Variants in KCTD14 observed in about 807,000 individuals in gnomAD.
The protein encoded by KCTD14 is BTB/POZ domain-containing protein KCTD14.
In KCTD14, 7 loss-of-function variants were observed where a neutral mutation model predicts 5.9. That is an observed-to-expected ratio of 1.19 (90% CI 0.68 to 2.23). KCTD14 has a LOEUF of 2.23. Ranked by LOEUF, KCTD14 falls within the 30% of genes most tolerant of loss-of-function variation. KCTD14 has a pLI of 0.00. For missense variants in KCTD14, 342 were observed against 332.2 expected, an observed-to-expected ratio of 1.03 and a Z score of -0.23; for synonymous variants, 140 against 133.1, an observed-to-expected ratio of 1.05 and a Z score of -0.36.
At chr11:78,035,544 G>T (rs907664381) in intron 2 of KCTD14, among the ~76,000 whole-genome samples, 12 of 151,980 alleles carry the variant, frequency 7.9e-5, no homozygotes, top group Non-Finnish European at 7.4e-5. Flanking sequence ...GGGACTCTTT[G>T]TAAAGAGTCG....
chr11:78,029,927 G>A (rs1423747531), intron 2 of KCTD14, among the ~76,000 whole-genome samples: 4 of 151,950 alleles, frequency 2.6e-5, no homozygotes, highest in South Asian at 2.1e-4. Flanking sequence ...GACTACAGGC[G>A]CCCACCACCA....
intron 2 of KCTD14, among the ~76,000 whole-genome samples, chr11:78,035,844 C>CAAAAAA (rs559820760): frequency 1.4e-4 from 11 of 79,278 alleles, no homozygotes; most frequent in African/African-American, 2.3e-4. Flanking sequence ...GACTCCATCT[C>CAAAAAA]AAAAAAAAAA....
intron 2 of KCTD14, among the ~76,000 whole-genome samples, chr11:78,029,917 GA>G (rs1456607297): frequency 2.0e-5 from 3 of 151,958 alleles, no homozygotes; most frequent in Non-Finnish European, 2.9e-5. Flanking sequence ...AAGTAGCTGG[GA>G]CTACAGGCGC....
intron 2 of KCTD14, among the ~76,000 whole-genome samples, chr11:78,028,733 G>A (rs1050047763): frequency 6.6e-6 from 1 of 152,114 alleles, no homozygotes; most frequent in African/African-American, 2.4e-5. Context: ...TTGAGCCCAG[G>A]AGTTTGAGAC....
In KCTD14 at chr11:78,034,524, G is replaced by GTTTC. The variant is rs150897863; in HGVS notation, c.-1+4136_-1+4139dup. Among the ~76,000 whole-genome samples, 66 of 151,898 alleles carry GTTTC rather than the reference G, an allele frequency of 4.3e-4. No individual in the cohort carries two copies. In the South Asian group the frequency reaches 8.3e-3, roughly 19 times the overall value. ...TTTCACCCAAACACTCTGTATGGGT[G>GTTTC]TTTCTTTCTTTCTTTCTTTCTTTCA... On this transcript the variant is annotated intron_variant, in intron 2 of 2. Transcript: ENST00000533144.
chr11:78,017,300 C>T lies in KCTD14; in HGVS notation c.91-30G>A, dbSNP rs753605949. 3.9e-6 allele frequency: 6 copies of T among 1,550,358 alleles called. No individual in the cohort carries two copies. In the East Asian group the frequency reaches 1.1e-4, roughly 29 times the overall value. ...GGGCACAAGAGGCAGAGTAAACCAACACGCCATCTCCCCTGAGCGCATTAC... is the reference window on the plus strand; with the variant it reads ...GGGCACAAGAGGCAGAGTAAACCAATACGCCATCTCCCCTGAGCGCATTAC... On this transcript the variant is annotated intron_variant, in intron 1 of 1. Transcript: ENST00000353172.
chr11:78,044,343 G>A (rs1044919842), intron 1 of KCTD14, among the ~76,000 whole-genome samples: 2 of 152,122 alleles, frequency 1.3e-5, no homozygotes, highest in Admixed American at 6.5e-5. Context: ...ACCCACATGT[G>A]GACCCCGCAG....
intron 1 of KCTD14, among the ~76,000 whole-genome samples, chr11:78,042,329 G>A (rs1251019987): frequency 6.6e-6 from 1 of 152,162 alleles, no homozygotes; most frequent in African/African-American, 2.4e-5. Context: ...TCAACATGGT[G>A]AAAACCCATC....
At chr11:78,035,174 G>A (rs1283835973) in intron 2 of KCTD14, among the ~76,000 whole-genome samples, 1 of 152,120 alleles carries the variant, frequency 6.6e-6, no homozygotes, top group East Asian at 1.9e-4. Flanking sequence ...TGGAGAGCAT[G>A]CTGTAACTCT....
intron 1 of KCTD14, 33 bp downstream of exon 1, chr11:78,023,127 G>T: frequency 7.1e-7 from 1 of 1,408,472 alleles, no homozygotes; most frequent in Non-Finnish European, 9.8e-7. Context: ...GCGGAGGACA[G>T]AGGCGCGGGG....
At chr11:78,025,116 GTGTATATATATATATATATATATA>G (rs1203223593), upstream of KCTD14, among the ~76,000 whole-genome samples, 9 of 68,556 alleles carry the variant, frequency 1.3e-4, no homozygotes, top group African/African-American at 5.5e-4. Flanking sequence ...GTGTGTGTGT[GTGTATATATATATATATATATATA>G]TATATATATA....
chr11:78,021,177 T>C (rs1254320844), intron 1 of KCTD14, among the ~76,000 whole-genome samples: 1 of 151,396 alleles, frequency 6.6e-6, no homozygotes, highest in Non-Finnish European at 1.5e-5. Flanking sequence ...TGGTGGTGCA[T>C]GCCTGTAATC....
intron 2 of KCTD14, among the ~76,000 whole-genome samples, chr11:78,038,380 A>G (rs1268204000): frequency 3.9e-5 from 6 of 152,194 alleles, no homozygotes; most frequent in Non-Finnish European, 1.5e-5. Context: ...TCTGGCCTGC[A>G]GGGCCAATTT....
At chr11:78,038,057 G>A (rs113521420) in intron 2 of KCTD14, among the ~76,000 whole-genome samples, 2 of 150,874 alleles carry the variant, frequency 1.3e-5, no homozygotes, top group Admixed American at 6.6e-5. Context: ...GACCAGCATG[G>A]ATTAAGGCAC....
chr11:78,033,377 G>T (rs936077703), intron 2 of KCTD14, among the ~76,000 whole-genome samples: 1 of 152,082 alleles, frequency 6.6e-6, no homozygotes, highest in Admixed American at 6.6e-5. Flanking sequence ...ATATAGGAAG[G>T]TCACCAAGAT....
At chr11:78,031,941 A>G (rs1232816789) in intron 2 of KCTD14, among the ~76,000 whole-genome samples, 1 of 152,196 alleles carries the variant, frequency 6.6e-6, no homozygotes, top group Non-Finnish European at 1.5e-5. Context: ...TGGATCACAG[A>G]TAATGGTGGC....
upstream of KCTD14, among the ~76,000 whole-genome samples, chr11:78,026,327 G>T (rs4945240): frequency 2.0e-5 from 3 of 151,816 alleles, no homozygotes; most frequent in Non-Finnish European, 4.4e-5. Flanking sequence ...TCCCCGGCTA[G>T]GGCTACTAAG....
At chr11:78,042,176 T>G (rs529281308) in intron 1 of KCTD14, among the ~76,000 whole-genome samples, 1 of 152,352 alleles carries the variant, frequency 6.6e-6, no homozygotes, top group Admixed American at 6.5e-5. Flanking sequence ...TTCCTGGGCA[T>G]ATGCCAAGCT....
chr11:78,038,817 G>T (rs993087409), intron 1 of KCTD14: 160 of 1,527,584 alleles, frequency 1.0e-4, no homozygotes, highest in Non-Finnish European at 1.2e-4. Flanking sequence ...ACGAGGACCA[G>T]GAGTTCAGAG....
Sources: gnomAD v4.1 joint callset for allele counts (sites outside exome capture counted in the v4.1 genomes callset) on GRCh38, gnomAD v4.1.1 for gene constraint, MANE v1.5 for transcripts, NCBI Gene and HGNC (gene_info 2026-07-23, HGNC 2026-07-21) for gene names.